The following MINDY4 variants were observed in gnomAD, a reference collection of about 807,000 sequenced individuals.
The protein encoded by MINDY4 is MINDY lysine 48 deubiquitinase 4, also known as probable ubiquitin carboxyl-terminal hydrolase MINDY-4.
MINDY4 carries 68 observed loss-of-function variants against 87.0 expected under a neutral mutation model. The observed-to-expected ratio is 0.78, with a 90% CI of 0.64 to 0.96. The LOEUF is 0.96. Ranked by LOEUF, MINDY4 falls within the 40% of genes least tolerant of loss-of-function variation. MINDY4 has a pLI of 0.00. For synonymous variants in MINDY4, 379 were observed against 363.2 expected, an observed-to-expected ratio of 1.04 and a Z score of -0.50; for missense variants, 919 against 928.2, an observed-to-expected ratio of 0.99 and a Z score of 0.13.
At chr7:30,787,972 A>G (rs774501244) in intron 4 of MINDY4, among the ~76,000 whole-genome samples, 3 of 152,250 alleles carry the variant, frequency 2.0e-5, no homozygotes, top group Non-Finnish European at 4.4e-5. Flanking sequence ...AACAGTAGTA[A>G]ACCTGTTGCA....
At chr7:30,850,711 GC>G (rs1227634000) in intron 10 of MINDY4, among the ~76,000 whole-genome samples, 156 bp downstream of exon 10, 1 of 152,242 alleles carries the variant, frequency 6.6e-6, no homozygotes, top group African/African-American at 2.4e-5. Flanking sequence ...GTGCTGAGCA[GC>G]CGCAGACTCA....
intron 6 of MINDY4, among the ~76,000 whole-genome samples, chr7:30,835,132 A>G (rs1261854821): frequency 6.6e-6 from 1 of 152,188 alleles, no homozygotes; most frequent in Non-Finnish European, 1.5e-5. Flanking sequence ...GTCTGTTTTC[A>G]TGCTGCTGAT....
intron 17 of MINDY4, among the ~76,000 whole-genome samples, chr7:30,889,533 G>C (rs1790733864): frequency 6.6e-6 from 1 of 152,206 alleles, no homozygotes; most frequent in Admixed American, 6.5e-5. Context: ...ACCAAGCCAA[G>C]CCAGTTTGTC....
chr7:30,836,855 A>C lies in MINDY4; in HGVS notation c.1239+91A>C, dbSNP rs1788872900. 6.5e-6 allele frequency: 6 copies of C among 929,570 alleles called. No homozygotes were observed. In the South Asian group the frequency reaches 8.1e-5, roughly 13 times the overall value. The allele number at this position is 929,570 out of a possible 1,614,324, so 57.6% of individuals were successfully genotyped here. A position where few individuals can be genotyped will look rare whatever the true frequency, so the allele number is the denominator to read the frequency against. Reference sequence around the variant, plus strand: ...TGGTGTTTCTGCCCCAATCCAGCTCATTGTAATCTCTTGGTCATTGTTGAA... The same window carrying C: ...TGGTGTTTCTGCCCCAATCCAGCTCCTTGTAATCTCTTGGTCATTGTTGAA... On this transcript the variant is annotated intron_variant, in intron 7 of 17. Transcript: ENST00000265299.
intron 14 of MINDY4, among the ~76,000 whole-genome samples, chr7:30,875,035 G>A (rs1299993667): frequency 1.3e-5 from 2 of 152,176 alleles, no homozygotes; most frequent in African/African-American, 4.8e-5. Flanking sequence ...CCTTAAAGCT[G>A]CCCTGACTCA....
chr7:30,819,657 T>G lies in MINDY4; in HGVS notation c.1074-9022T>G, dbSNP rs185137509. On this transcript the variant is annotated intron_variant, in intron 5 of 17. Coordinates refer to ENST00000265299, the MANE Select transcript of MINDY4 (RefSeq NM_032222.3). ...ATTTTTGATAATATGTTTTGAAGCT[T>G]TGTTGTTAGGAGCATAGAGTTTCAT... Among the ~76,000 whole-genome samples, 213 of 152,240 alleles carry G rather than the reference T, an allele frequency of 1.4e-3. 2 individuals are homozygous for G. Among genetic ancestry groups the G allele is most frequent in the African/African-American group, 5.0e-3 (209 of 41,556 alleles).
rs182676880 is a variant in MINDY4 at position 30,825,317 on chromosome 7, C to T, written c.1074-3362C>T. On this transcript the variant is annotated intron_variant, in intron 5 of 17. Coordinates refer to ENST00000265299, the MANE Select transcript of MINDY4 (RefSeq NM_032222.3). ...TTGAAGTCTCCTCTGGTGATGAGATCTATGGGAACCCGGCACAAAGCATCT... is the reference window on the plus strand; with the variant it reads ...TTGAAGTCTCCTCTGGTGATGAGATTTATGGGAACCCGGCACAAAGCATCT... Among the ~76,000 whole-genome samples, 3 of 152,314 alleles carry T rather than the reference C, an allele frequency of 2.0e-5. No homozygotes were observed. In the East Asian group the frequency reaches 5.8e-4, roughly 29 times the overall value.
At chr7:30,872,670 G>A (rs774784494) in intron 14 of MINDY4, among the ~76,000 whole-genome samples, 7 of 152,230 alleles carry the variant, frequency 4.6e-5, no homozygotes, top group Non-Finnish European at 5.9e-5. Flanking sequence ...TCCAGCTGGG[G>A]AGATGATGGC....
intron 7 of MINDY4, among the ~76,000 whole-genome samples, chr7:30,837,549 A>G (rs765553624): frequency 9.2e-5 from 14 of 151,784 alleles, no homozygotes; most frequent in Non-Finnish European, 1.5e-4. Context: ...CTTCTCTCTC[A>G]TATCTCCCCC....
At chr7:30,855,570 C>G (rs996992409) in intron 12 of MINDY4, among the ~76,000 whole-genome samples, 1 of 152,210 alleles carries the variant, frequency 6.6e-6, no homozygotes, top group Non-Finnish European at 1.5e-5. Flanking sequence ...CTCAAATGAC[C>G]ACAGATCCTG....
chr7:30,852,404 C>A, intron 11 of MINDY4, 125 bp downstream of exon 11: 3 of 1,519,540 alleles, frequency 2.0e-6, no homozygotes, highest in South Asian at 2.6e-5. Flanking sequence ...TCCCAGGAAT[C>A]CTCATCCTGG....
chr7:30,795,593 ATG>A (rs1253092190), intron 5 of MINDY4, among the ~76,000 whole-genome samples: 1 of 152,202 alleles, frequency 6.6e-6, no homozygotes. Flanking sequence ...AGAGGGGTGC[ATG>A]TGTTTCCTGT....
Position 30,892,060 on chromosome 7 carries a change from A to C in MINDY4, c.*55A>C. On this transcript the variant is annotated 3_prime_UTR_variant, in exon 18 of 18. Transcript: ENST00000265299. Reference sequence around the variant, plus strand: ...ACCACTCATCACCTCATCACCGAGGATGACAGCTGAACCCCAAGCCTCTGG... The same window carrying C: ...ACCACTCATCACCTCATCACCGAGGCTGACAGCTGAACCCCAAGCCTCTGG... 6.3e-7 allele frequency: 1 copy of C among 1,593,040 alleles called. No individual in the cohort carries two copies. Among genetic ancestry groups the C allele is most frequent in the East Asian group, 2.2e-5 (1 of 44,768 alleles).
At chr7:30,864,201 A>G (rs375998529) in intron 13 of MINDY4, among the ~76,000 whole-genome samples, 2 of 152,386 alleles carry the variant, frequency 1.3e-5, no homozygotes, top group African/African-American at 2.4e-5. Context: ...GAACAGCACA[A>G]GCTAGGTGCT....
chr7:30,838,398 C>A (rs976051286), intron 7 of MINDY4, among the ~76,000 whole-genome samples: 3 of 152,056 alleles, frequency 2.0e-5, no homozygotes, highest in Non-Finnish European at 4.4e-5. Flanking sequence ...CACTCATGGG[C>A]GGCATCACAG....
intron 5 of MINDY4, among the ~76,000 whole-genome samples, chr7:30,808,946 A>G (rs865887782): frequency 3.1e-5 from 3 of 97,244 alleles, no homozygotes; most frequent in East Asian, 2.2e-4. Flanking sequence ...AGAGAGAGAG[A>G]GAGAGAGAGA....
chr7:30,846,576 G>A (rs1237442787), intron 9 of MINDY4, among the ~76,000 whole-genome samples: 2 of 152,174 alleles, frequency 1.3e-5, no homozygotes, highest in Non-Finnish European at 2.9e-5. Context: ...GAAGGCGTGC[G>A]CTGAGCTATC....
chr7:30,855,135 GC>G (rs1789533066), intron 12 of MINDY4, among the ~76,000 whole-genome samples: 1 of 152,242 alleles, frequency 6.6e-6, no homozygotes, highest in African/African-American at 2.4e-5. Context: ...GGGCCTGGGG[GC>G]CCCCTTTGGC....
intron 17 of MINDY4, among the ~76,000 whole-genome samples, chr7:30,887,248 C>G (rs1391386253): frequency 6.6e-6 from 1 of 152,152 alleles, no homozygotes; most frequent in Non-Finnish European, 1.5e-5. Flanking sequence ...GGCGCTGTCA[C>G]TCCCCACTGT....
Sources: allele counts gnomAD v4.1 joint callset (sites outside exome capture counted in the v4.1 genomes callset), GRCh38; gene constraint gnomAD v4.1.1; transcripts MANE v1.5; gene names NCBI Gene and HGNC (gene_info 2026-07-23, HGNC 2026-07-21).